The following GPC5 variants were observed in gnomAD, a reference collection of about 807,000 sequenced individuals.
The protein encoded by GPC5 is glypican 5, also known as glypican-5.
A neutral mutation model predicts 53.9 loss-of-function variants in GPC5; 47 were observed. The observed-to-expected ratio is 0.87, with a 90% confidence interval of 0.69 to 1.11. The LOEUF is 1.11. Ranked by LOEUF, GPC5 falls within the 50% of genes most tolerant of loss-of-function variation. The pLI, the probability that GPC5 is intolerant of heterozygous loss-of-function variation, is 0.00. For synonymous variants in GPC5, 286 were observed against 263.3 expected, an observed-to-expected ratio of 1.09 and a Z score of -0.84; for missense variants, 748 against 713.1, an observed-to-expected ratio of 1.05 and a Z score of -0.56.
At chr13:92,525,667 C>T (rs1881250669) in intron 7 of GPC5, among the ~76,000 whole-genome samples, 1 of 151,922 alleles carries the variant, frequency 6.6e-6, no homozygotes. Context: ...AAGATAAGGA[C>T]AGTTTCTGTC....
chr13:91,448,896 T>C lies in GPC5; in HGVS notation c.299T>C (p.Ile100Thr). 1 of 1,613,318 alleles carries C rather than the reference T, an allele frequency of 6.2e-7. No homozygotes were observed. The highest frequency in any genetic ancestry group is 8.5e-7 in the Non-Finnish European group (1 of 1,179,624). The stretch of plus-strand genomic sequence containing the variant: ...TCCAGCTCTACATTAAAGTTTCTAA[T>C]ATCTCGAAATGCGGCTGCTTTTCAA... Reference protein sequence around the residue: ...QTSSSTLKFLISRNAAAFQET... With the variant: ...QTSSSTLKFLTSRNAAAFQET... The change falls in exon 2 of 8, where the codon ATA becomes ACA. Residue 100 changes from isoleucine to threonine, a missense_variant. By Grantham distance (89) the Ile-to-Thr change is moderately conservative. Coordinates refer to ENST00000377067, the MANE Select transcript of GPC5 (RefSeq NM_004466.6).
intron 2 of GPC5, among the ~76,000 whole-genome samples, chr13:91,468,560 C>A (rs1882396040): frequency 6.6e-6 from 1 of 152,074 alleles, no homozygotes; most frequent in African/African-American, 2.4e-5. Flanking sequence ...CCTGAGGTTA[C>A]CGGAAGTGAG....
intron 6 of GPC5, among the ~76,000 whole-genome samples, chr13:92,084,121 C>T (rs147360822): frequency 0.011 from 1,610 of 152,078 alleles, 12 homozygotes; most frequent in Non-Finnish European, 0.018. Context: ...GGGACCTATC[C>T]GGTGGGCTGG....
intron 6 of GPC5, among the ~76,000 whole-genome samples, chr13:92,142,975 C>T (rs553930852): frequency 6.6e-6 from 1 of 152,082 alleles, no homozygotes; most frequent in Admixed American, 6.6e-5. Context: ...GATATTTAAA[C>T]AATATTGTAC....
At chr13:92,169,747 A>C (rs1292630409) in intron 7 of GPC5, among the ~76,000 whole-genome samples, 2 of 130,064 alleles carry the variant, frequency 1.5e-5, no homozygotes, top group Admixed American at 1.5e-4. Flanking sequence ...AACAGCTGTA[A>C]AGTAAAGGCA....
Position 92,422,523 on chromosome 13 carries a change from CACACACACAA to C in GPC5, c.1561+277535_1561+277544del, listed in dbSNP as rs1289932758. ...ACACACACACACACACACACACACA[CACACACACAA>C]CTTCTTGGAAAGAAAAGTATTCCCC... On this transcript the variant is annotated intron_variant, in intron 7 of 7. Transcript: ENST00000377067. 1.7e-3 allele frequency among the ~76,000 whole-genome samples: 211 copies of C among 123,798 alleles called. 1 individual carries two copies. Among genetic ancestry groups the C allele is most frequent in the African/African-American group, 5.7e-3 (204 of 36,104 alleles). The allele number at this position is 123,798 out of a possible 152,430, so 81.2% of individuals were successfully genotyped here.
At chr13:92,640,827 T>C (rs1045957271) in intron 7 of GPC5, among the ~76,000 whole-genome samples, 1 of 152,060 alleles carries the variant, frequency 6.6e-6, no homozygotes, top group African/African-American at 2.4e-5. Flanking sequence ...TTAAATAAAG[T>C]AGGATGATTA....
At chr13:92,801,114 G>A (rs768429395) in intron 7 of GPC5, among the ~76,000 whole-genome samples, 10 of 151,860 alleles carry the variant, frequency 6.6e-5, no homozygotes, top group East Asian at 2.0e-4. Flanking sequence ...AAATATGTGT[G>A]TGTATGTGTG....
intron 2 of GPC5, among the ~76,000 whole-genome samples, chr13:91,469,985 G>C (rs1253530988): frequency 6.6e-6 from 1 of 152,182 alleles, no homozygotes; most frequent in African/African-American, 2.4e-5. Flanking sequence ...GTTGCAGTGA[G>C]CTGAGATCAC....
chr13:92,358,633 A>C (rs7332756), intron 7 of GPC5, among the ~76,000 whole-genome samples: 60,731 of 151,458 alleles, frequency 0.4, 12,812 homozygotes, highest in African/African-American at 0.48. Flanking sequence ...CCAAGCTTCA[A>C]CTCTTGCTCT....
chr13:91,662,072 A>G (rs1451327798), intron 2 of GPC5, among the ~76,000 whole-genome samples: 1 of 152,162 alleles, frequency 6.6e-6, no homozygotes, highest in Admixed American at 6.5e-5. Flanking sequence ...ATTTAAAGCT[A>G]TGAGATTGGA....
chr13:91,512,997 T>TA lies in GPC5; in HGVS notation c.325+64082dup, dbSNP rs1566465508. Among the ~76,000 whole-genome samples, 4 of 152,194 alleles carry TA rather than the reference T, an allele frequency of 2.6e-5. No individual in the cohort carries two copies. In the South Asian group the frequency reaches 6.2e-4, roughly 24 times the overall value. On this transcript the variant is annotated intron_variant, in intron 2 of 7. Coordinates refer to ENST00000377067, the MANE Select transcript of GPC5 (RefSeq NM_004466.6). Reference sequence around the variant, plus strand: ...ATTTATTTTCTTCACATTACACTTTTAAAAAAATCATTGTTATTATTTAAG... The same window carrying TA: ...ATTTATTTTCTTCACATTACACTTTTAAAAAAAATCATTGTTATTATTTAAG...
intron 2 of GPC5, among the ~76,000 whole-genome samples, chr13:91,575,727 T>C (rs560781567): frequency 3.9e-5 from 6 of 152,256 alleles, no homozygotes; most frequent in East Asian, 1.9e-4. Flanking sequence ...ATGAGACCAA[T>C]TGGGTGGCTA....
intron 7 of GPC5, among the ~76,000 whole-genome samples, chr13:92,843,866 TG>T (rs747763248): frequency 6.6e-6 from 1 of 152,040 alleles, no homozygotes; most frequent in Non-Finnish European, 1.5e-5. Flanking sequence ...AGAGTAACAG[TG>T]CAACTGTTAT....
chr13:92,564,776 T>C (rs1015038862), intron 7 of GPC5, among the ~76,000 whole-genome samples: 2 of 152,064 alleles, frequency 1.3e-5, no homozygotes, highest in African/African-American at 4.8e-5. Context: ...ACATGTGGAA[T>C]TTGTTTTTCT....
At chr13:91,869,244 A>G (rs995944077) in intron 5 of GPC5, among the ~76,000 whole-genome samples, 1 of 152,058 alleles carries the variant, frequency 6.6e-6, no homozygotes, top group African/African-American at 2.4e-5. Flanking sequence ...TATCTTTACT[A>G]GAGATGGGAT....
In GPC5 at chr13:91,461,744, C is replaced by T. The variant is rs1420776227; in HGVS notation, c.325+12822C>T. On this transcript the variant is annotated intron_variant, in intron 2 of 7. Transcript: ENST00000377067. The stretch of plus-strand genomic sequence containing the variant: ...AGTTGTCTGATAGCTTTTCTTTAAG[C>T]GTGTTATGGCAAATGGTATGAAGCC... Among the ~76,000 whole-genome samples the T allele has an allele frequency of 5.9e-5, 9 of 151,832 alleles. No individual in the cohort carries two copies. In the South Asian group the frequency reaches 1.0e-3, roughly 18 times the overall value.
At chr13:91,615,187 T>G (rs1050784830) in intron 2 of GPC5, among the ~76,000 whole-genome samples, 47 of 152,310 alleles carry the variant, frequency 3.1e-4, no homozygotes, top group African/African-American at 1.0e-3. Context: ...CACTTATTTC[T>G]TTCTCTCGTA....
intron 7 of GPC5, among the ~76,000 whole-genome samples, chr13:92,666,347 T>C (rs1348513821): frequency 6.6e-6 from 1 of 152,108 alleles, no homozygotes; most frequent in Non-Finnish European, 1.5e-5. Context: ...GAATTCAAGA[T>C]TGCTAAGTTA....
Sources: gnomAD v4.1 joint callset for allele counts (sites outside exome capture counted in the v4.1 genomes callset) on GRCh38, gnomAD v4.1.1 for gene constraint, MANE v1.5 for transcripts, NCBI Gene and HGNC (gene_info 2026-07-23, HGNC 2026-07-21) for gene names.